Variants in SLAMF6 observed in about 807,000 individuals in gnomAD.
SLAMF6 encodes SLAM family member 6.
A neutral mutation model predicts 38.3 loss-of-function variants in SLAMF6; 21 were observed. That is an observed-to-expected ratio of 0.55 (90% CI 0.39 to 0.79). The LOEUF (loss-of-function observed/expected upper bound fraction) is 0.79, where lower values mean the gene tolerates loss of function less well. Ranked by LOEUF, SLAMF6 falls within the 30% of genes least tolerant of loss-of-function variation. SLAMF6 has a pLI of 0.00. For synonymous variants in SLAMF6, 152 were observed against 146.3 expected (o/e 1.04, Z -0.28); for missense variants, 341 against 385.3 (o/e 0.89, Z 0.96).
chr1:160,505,032 T>A (rs1243158908), intron 1 of SLAMF6, among the ~76,000 whole-genome samples: 1 of 152,216 alleles, frequency 6.6e-6, no homozygotes, highest in Non-Finnish European at 1.5e-5. Flanking sequence ...ACAGAATTTA[T>A]TTATTTATTT....
At chr1:160,511,905 G>T (rs575756077) in intron 1 of SLAMF6, among the ~76,000 whole-genome samples, 1 of 152,318 alleles carries the variant, frequency 6.6e-6, no homozygotes, top group African/African-American at 2.4e-5. Flanking sequence ...AGCTGATGGG[G>T]CAAGGGGTGC....
At chr1:160,510,876 A>C (rs1654437072) in intron 1 of SLAMF6, among the ~76,000 whole-genome samples, 1 of 152,214 alleles carries the variant, frequency 6.6e-6, no homozygotes, top group Admixed American at 6.5e-5. Flanking sequence ...TAATAAATAA[A>C]TTCAGCAAAG....
intron 1 of SLAMF6, among the ~76,000 whole-genome samples, chr1:160,518,291 C>A (rs1654834473): frequency 6.6e-6 from 1 of 152,136 alleles, no homozygotes; most frequent in African/African-American, 2.4e-5. Context: ...AATAGAAACT[C>A]TTTTACACTG....
At chr1:160,520,983 T>C (rs1282097874) in intron 1 of SLAMF6, among the ~76,000 whole-genome samples, 10 of 152,196 alleles carry the variant, frequency 6.6e-5, no homozygotes, top group Admixed American at 6.5e-4. Context: ...GATGAGATGT[T>C]ACTTTTCCAG....
intron 1 of SLAMF6, among the ~76,000 whole-genome samples, chr1:160,511,272 G>A (rs1473974230): frequency 6.6e-6 from 1 of 151,996 alleles, no homozygotes; most frequent in Non-Finnish European, 1.5e-5. Flanking sequence ...AAACAATATT[G>A]TAAAAGAAAA....
chr1:160,502,273 T>A (rs1469419322), intron 1 of SLAMF6, among the ~76,000 whole-genome samples: 1 of 152,228 alleles, frequency 6.6e-6, no homozygotes, highest in Non-Finnish European at 1.5e-5. Flanking sequence ...AGATGCCTCA[T>A]GTTGGCTACA....
chr1:160,508,748 G>A (rs1008668048), intron 1 of SLAMF6, among the ~76,000 whole-genome samples: 2 of 151,954 alleles, frequency 1.3e-5, no homozygotes, highest in Non-Finnish European at 2.9e-5. Context: ...GAAAATTTTT[G>A]CAATCTACCC....
At chr1:160,490,326 A>G (rs1571281295) in intron 4 of SLAMF6, 90 bp from the exon 5 acceptor site, 1 of 1,593,042 alleles carries the variant, frequency 6.3e-7, no homozygotes, top group Non-Finnish European at 8.6e-7. Flanking sequence ...ATGTGGTGGG[A>G]GGGGACCCAA....
chr1:160,518,593 A>G (rs1654850972), intron 1 of SLAMF6, among the ~76,000 whole-genome samples: 1 of 152,166 alleles, frequency 6.6e-6, no homozygotes. Flanking sequence ...ATGCAGCCAT[A>G]AAAAGGAATG....
chr1:160,509,508 G>A (rs1469943455), intron 1 of SLAMF6, among the ~76,000 whole-genome samples: 1 of 151,788 alleles, frequency 6.6e-6, no homozygotes, highest in Non-Finnish European at 1.5e-5. Flanking sequence ...CTGTCAGGGG[G>A]TGGGGAGCTG....
At chr1:160,493,153 C>A (rs1301306582) in intron 2 of SLAMF6, among the ~76,000 whole-genome samples, 2 of 152,138 alleles carry the variant, frequency 1.3e-5, no homozygotes, top group African/African-American at 2.4e-5. Context: ...GCCCCTGTTT[C>A]CTTTCTGGCC....
chr1:160,487,142 T>C lies in SLAMF6; in HGVS notation c.913A>G (p.Thr305Ala). 1 of 1,613,434 alleles carries C rather than the reference T, an allele frequency of 6.2e-7. No individual in the cohort carries two copies. Among genetic ancestry groups the C allele is most frequent in the Non-Finnish European group, 8.5e-7 (1 of 1,179,768 alleles). The change falls in exon 7 of 8, where the codon ACT becomes GCT. Residue 305 changes from threonine to alanine, a missense_variant. By Grantham distance (58) the Thr-to-Ala change is moderately conservative. Coordinates refer to ENST00000368057, the MANE Select transcript of SLAMF6 (RefSeq NM_001184714.2). ...TEIWTPRENDTITIYSTINHS... is the reference protein window; with the variant it reads ...TEIWTPRENDAITIYSTINHS... ...TTAATTGTGGAGTAAATTGTGATAG[T>C]ATCATTTTCTCTAGGTGTCCAGATT...
chr1:160,489,221 C>T lies in SLAMF6; in HGVS notation c.797-51G>A, dbSNP rs1455991257. On this transcript the variant is annotated intron_variant, in intron 5 of 7. Transcript: ENST00000368057. ...ATGGCACAAGGACTCTGGGACTTCTCTCCCAGGACTTCTCCCTCCCCAGAG... is the reference window on the plus strand; with the variant it reads ...ATGGCACAAGGACTCTGGGACTTCTTTCCCAGGACTTCTCCCTCCCCAGAG... The T allele has an allele frequency of 5.1e-6, 8 of 1,574,932 alleles. No homozygotes were observed. The East Asian group carries it at 1.6e-4, about 31-fold the overall frequency.
rs73014368 is a variant in SLAMF6 at position 160,512,609 on chromosome 1, G to A, written c.49+10535C>T. 6.4e-3 allele frequency among the ~76,000 whole-genome samples: 976 copies of A among 152,274 alleles called. 9 individuals are homozygous for A. Among genetic ancestry groups the A allele is most frequent in the African/African-American group, 0.022 (913 of 41,564 alleles). Reference sequence around the variant, plus strand: ...CACTTTATACAGGAGCACTCCCACTGTCATCAGTTTGGTGCCCCTCTTGGA... The same window carrying A: ...CACTTTATACAGGAGCACTCCCACTATCATCAGTTTGGTGCCCCTCTTGGA... On this transcript the variant is annotated intron_variant, in intron 1 of 7. Coordinates refer to ENST00000368057, the MANE Select transcript of SLAMF6 (RefSeq NM_001184714.2).
intron 1 of SLAMF6, among the ~76,000 whole-genome samples, chr1:160,505,723 C>T (rs540589732): frequency 2.0e-4 from 30 of 151,434 alleles, no homozygotes; most frequent in African/African-American, 7.0e-4. Flanking sequence ...TAAATATGCT[C>T]AAAAAGCTAA....
At chr1:160,498,471 C>G (rs1431330939) in intron 1 of SLAMF6, among the ~76,000 whole-genome samples, 1 of 152,168 alleles carries the variant, frequency 6.6e-6, no homozygotes, top group Non-Finnish European at 1.5e-5. Context: ...GAAGGAGGAG[C>G]AAAGTCACGT....
chr1:160,495,550 G>T (rs562287290), intron 2 of SLAMF6, among the ~76,000 whole-genome samples: 2 of 152,284 alleles, frequency 1.3e-5, no homozygotes, highest in South Asian at 4.1e-4. Context: ...AACTTTCTAG[G>T]TAGACCACTG....
chr1:160,493,124 TCA>T (rs1252637979), intron 2 of SLAMF6, among the ~76,000 whole-genome samples: 1 of 152,102 alleles, frequency 6.6e-6, no homozygotes, highest in Non-Finnish European at 1.5e-5. Context: ...GTGATGGCTC[TCA>T]GTCCTTTTGC....
intron 1 of SLAMF6, among the ~76,000 whole-genome samples, chr1:160,520,780 G>A (rs758993498): frequency 6.6e-5 from 10 of 152,138 alleles, no homozygotes; most frequent in Non-Finnish European, 1.2e-4. Flanking sequence ...GCTGGCATGA[G>A]TCATTGTTTT....
Sources: allele counts gnomAD v4.1 joint callset (sites outside exome capture counted in the v4.1 genomes callset), GRCh38; gene constraint gnomAD v4.1.1; transcripts MANE v1.5; gene names NCBI Gene and HGNC (gene_info 2026-07-23, HGNC 2026-07-21).